The following EML2 variants were observed in gnomAD, a reference collection of about 807,000 sequenced individuals.
EML2 encodes echinoderm microtubule-associated protein-like 2.
EML2 carries 59 observed loss-of-function variants against 84.7 expected under a neutral mutation model. The observed-to-expected ratio is 0.70, with a 90% CI of 0.56 to 0.86. EML2 has a LOEUF of 0.86. Among genes scored for constraint, EML2 ranks in the 40% least tolerant of loss-of-function variants. EML2 has a pLI of 0.00. For missense variants in EML2, 818 were observed against 855.6 expected (o/e 0.96, Z 0.55); for synonymous variants, 352 against 348.9 (o/e 1.01, Z -0.10).
At chr19:45,641,406 C>G (rs910166062), upstream of EML2, 1 of 532,052 alleles carries the variant, frequency 1.9e-6, no homozygotes, top group Non-Finnish European at 3.4e-6. Flanking sequence ...TAGACCTGAC[C>G]GTCCAGCTTC....
At position 45,621,346 on chromosome 19, in the gene EML2, T is replaced by A; in HGVS notation, c.997-14A>T. On this transcript the variant is annotated splice_polypyrimidine_tract_variant and intron_variant, in intron 10 of 18. Transcript: ENST00000245925. Reference sequence around the variant, plus strand: ...GTCCTCAGGGACCTGGGTGGACAGATAAGAGGGAAGATGAGTAGGATGCAC... The same window carrying A: ...GTCCTCAGGGACCTGGGTGGACAGAAAAGAGGGAAGATGAGTAGGATGCAC... 1.3e-6 allele frequency: 2 copies of A among 1,594,134 alleles called. No individual in the cohort carries two copies. Among genetic ancestry groups the A allele is most frequent in the Non-Finnish European group, 1.7e-6 (2 of 1,167,896 alleles).
In EML2 at chr19:45,621,209, G is replaced by C. The variant is rs776324462; in HGVS notation, c.1120C>G (p.Gln374Glu). 6.2e-6 allele frequency: 10 copies of C among 1,613,642 alleles called. No individual in the cohort carries two copies. Among genetic ancestry groups the C allele is most frequent in the Non-Finnish European group, 8.5e-6 (10 of 1,179,990 alleles). The change falls in exon 11 of 19, where the codon CAG becomes GAG. Residue 374 changes from glutamine to glutamate, a missense_variant and splice_region_variant. Transcript: ENST00000245925. ...SVHTGFSLLV[Q>E]GHVEELWGLA... ...GGGTGCAGAGGAGAGAGGCGCACCT[G>C]GACCAGCAGTGAGAAGCCTGTGTGC...
rs527401357 is a variant in EML2, at chr19:45,616,930, A to G, written c.1323-77T>C. On this transcript the variant is annotated intron_variant, in intron 13 of 18. Transcript: ENST00000245925. ...GAGAGGCCGCAATCTGTGGGGTCTA[A>G]GGGAGGGATCAGAGGGACCCCAGAA... 1.1e-4 allele frequency: 127 copies of G among 1,125,332 alleles called. No individual in the cohort carries two copies. The East Asian group carries it at 2.5e-3, about 22-fold the overall frequency. 69.7% of individuals were successfully genotyped at this position (1,125,332 alleles called of 1,614,324 possible). A position where few individuals can be genotyped will look rare whatever the true frequency, so the allele number is the denominator to read the frequency against.
chr19:45,645,429 C>A (rs1173038236), upstream of EML2: 1 of 1,455,688 alleles, frequency 6.9e-7, no homozygotes, highest in South Asian at 1.4e-5. Flanking sequence ...CATAGCAACG[C>A]CCTTCGTTCC....
At chr19:45,617,787 T>A in intron 12 of EML2, 90 bp from the exon 13 acceptor site, 1 of 1,168,862 alleles carries the variant, frequency 8.6e-7, no homozygotes, top group Non-Finnish European at 1.2e-6. Context: ...GTCTAATCTT[T>A]GCATGAGGGC....
chr19:45,617,755 C>A, intron 12 of EML2, 58 bp from the exon 13 acceptor site: 1 of 1,531,234 alleles, frequency 6.5e-7, no homozygotes, highest in Non-Finnish European at 9.0e-7. Flanking sequence ...TCCATCTGGA[C>A]ATTCTCTTGC....
chr19:45,644,691 TCTC>T (rs1314582474), upstream of EML2: 2 of 455,682 alleles, frequency 4.4e-6, no homozygotes, highest in Non-Finnish European at 8.8e-6. Flanking sequence ...ACTCCCCTCT[TCTC>T]CTATCTCCCC....
chr19:45,619,018 G>T (rs775646719), intron 12 of EML2, 42 bp downstream of exon 12: 3 of 1,550,858 alleles, frequency 1.9e-6, no homozygotes, highest in African/African-American at 2.7e-5. Flanking sequence ...GGGAAAGGTA[G>T]TTCTGTTAGA....
intron 12 of EML2, among the ~76,000 whole-genome samples, chr19:45,618,236 GT>G (rs1230205395): frequency 3.0e-4 from 37 of 125,340 alleles, no homozygotes; most frequent in Non-Finnish European, 4.0e-4. Context: ...GCTAATTTTT[GT>G]TTTTTTTTTT....
intron 7 of EML2, among the ~76,000 whole-genome samples, chr19:45,627,356 G>C (rs1972492036): frequency 6.6e-6 from 1 of 150,896 alleles, no homozygotes; most frequent in Non-Finnish European, 1.5e-5. Flanking sequence ...CCAGGTTCAA[G>C]AGATTCTTCT....
intron 7 of EML2, among the ~76,000 whole-genome samples, chr19:45,627,699 A>T (rs1348376429): frequency 6.6e-6 from 1 of 152,174 alleles, no homozygotes; most frequent in Non-Finnish European, 1.5e-5. Context: ...TTTTACAATC[A>T]TTAGCTCCTT....
intron 6 of EML2, among the ~76,000 whole-genome samples, chr19:45,631,790 C>T (rs1054106170): frequency 5.3e-5 from 8 of 151,728 alleles, no homozygotes; most frequent in Non-Finnish European, 8.8e-5. Flanking sequence ...ACTGCAGCCT[C>T]GATCTCCTAG....
intron 2 of EML2, 59 bp downstream of exon 2, chr19:45,638,786 C>G: frequency 6.2e-7 from 1 of 1,607,146 alleles, no homozygotes. Context: ...ACCTCTGGCT[C>G]CAGCCTGTCA....
intron 1 of EML2, 66 bp from the exon 2 acceptor site, chr19:45,638,939 T>G: frequency 6.4e-7 from 1 of 1,574,062 alleles, no homozygotes; most frequent in Non-Finnish European, 8.7e-7. Context: ...GGAGAAACCA[T>G]TCCTCCACCC....
chr19:45,642,841 G>A (rs1314595364), upstream of EML2: 2 of 151,498 alleles, frequency 1.3e-5, no homozygotes, highest in African/African-American at 4.8e-5. Flanking sequence ...TTAAAAAAAA[G>A]CCGGGCGTGG....
At chr19:45,626,941 G>A in intron 7 of EML2, 102 bp from the exon 8 acceptor site, 1 of 1,057,630 alleles carries the variant, frequency 9.5e-7, no homozygotes, top group Non-Finnish European at 1.3e-6. Flanking sequence ...TGTGTTGTAT[G>A]CTGCACACCT....
At chr19:45,615,760 T>A in intron 16 of EML2, 42 bp downstream of exon 16, 2 of 1,524,128 alleles carry the variant, frequency 1.3e-6, no homozygotes, top group Non-Finnish European at 1.8e-6. Flanking sequence ...AGTCTGCAAA[T>A]GAGACGGAGG....
Position 45,639,233 on chromosome 19 carries a change from G to T in EML2, c.20+124C>A, listed in dbSNP as rs141624595. ...AAACGTCAAGCAGAGGGAGAAACGG[G>T]GAGAGTTTAAGGGAAGGGGCGTGTC... is the stretch of plus-strand genomic sequence containing the variant. On this transcript the variant is annotated intron_variant, in intron 1 of 18. Coordinates refer to ENST00000245925, the MANE Select transcript of EML2 (RefSeq NM_012155.4). 3.2e-4 allele frequency: 332 copies of T among 1,048,998 alleles called. No homozygotes were observed. In the African/African-American group the frequency reaches 4.6e-3, roughly 15 times the overall value. 65.0% of individuals were successfully genotyped at this position (1,048,998 alleles called of 1,614,324 possible). A position where few individuals can be genotyped will look rare whatever the true frequency, so the allele number is the denominator to read the frequency against.
At position 45,619,055 on chromosome 19, in the gene EML2, C is replaced by G; in HGVS notation, c.1254+5G>C. 3.1e-6 allele frequency: 5 copies of G among 1,606,024 alleles called. No individual in the cohort carries two copies. The highest frequency in any genetic ancestry group is 4.3e-6 in the Non-Finnish European group (5 of 1,174,322). ...TGGTGCTTTTCCAGTCCCCGGGCCC[C>G]TTACCTCGATGATCCTGCTCCACAG... On this transcript the variant is annotated splice_donor_5th_base_variant and intron_variant, in intron 12 of 18. Coordinates refer to ENST00000245925, the MANE Select transcript of EML2 (RefSeq NM_012155.4).
Sources: allele counts gnomAD v4.1 joint callset (sites outside exome capture counted in the v4.1 genomes callset), GRCh38; gene constraint gnomAD v4.1.1; transcripts MANE v1.5; gene names NCBI Gene and HGNC (gene_info 2026-07-23, HGNC 2026-07-21).